The following IL15 variants were observed in gnomAD, a reference collection of about 807,000 sequenced individuals.
IL15 encodes the protein interleukin-15.
In IL15, 11 loss-of-function variants were observed where a neutral mutation model predicts 19.6. The ratio of observed to expected loss-of-function variants is 0.56; its 90% CI spans 0.35 to 0.93. The LOEUF (loss-of-function observed/expected upper bound fraction) is 0.93, where lower values mean the gene tolerates loss of function less well. Among genes scored for constraint, IL15 ranks in the 40% least tolerant of loss-of-function variants. The pLI is 0.01. For synonymous variants in IL15, 58 were observed against 59.6 expected (o/e 0.97, Z 0.12); for missense variants, 197 against 186.5 (o/e 1.06, Z -0.33).
intron 2 of IL15, among the ~76,000 whole-genome samples, chr4:141,683,826 G>A (rs1049100193): frequency 6.6e-6 from 1 of 152,190 alleles, no homozygotes; most frequent in Non-Finnish European, 1.5e-5. Context: ...CAGTACAGAT[G>A]TTCTGGGGAA....
chr4:141,701,546 T>G (rs990603472), intron 2 of IL15, among the ~76,000 whole-genome samples: 1 of 152,204 alleles, frequency 6.6e-6, no homozygotes, highest in Non-Finnish European at 1.5e-5. Flanking sequence ...ATGTATACTT[T>G]ATTTATTTAA....
At chr4:141,706,253 T>C (rs552116383) in intron 2 of IL15, among the ~76,000 whole-genome samples, 7 of 152,070 alleles carry the variant, frequency 4.6e-5, no homozygotes, top group Non-Finnish European at 7.4e-5. Context: ...TTGTGGTTAT[T>C]ATAAGGATAA....
intron 2 of IL15, among the ~76,000 whole-genome samples, chr4:141,668,840 T>C (rs1288551413): frequency 2.6e-5 from 4 of 152,130 alleles, no homozygotes; most frequent in Non-Finnish European, 5.9e-5. Context: ...AGCTAGACAA[T>C]AGGGATTTAC....
chr4:141,655,715 T>C (rs190642368), intron 1 of IL15, among the ~76,000 whole-genome samples: 114 of 152,320 alleles, frequency 7.5e-4, no homozygotes, highest in African/African-American at 2.6e-3. Flanking sequence ...TATTATGATG[T>C]TGTGTTTTAC....
intron 2 of IL15, chr4:141,716,369 T>C (rs1218450944): frequency 2.0e-5 from 3 of 152,264 alleles, no homozygotes; most frequent in Non-Finnish European, 2.9e-5. Flanking sequence ...CCCTACATTT[T>C]GGTGCAGCAG....
Position 141,693,016 on chromosome 4 carries a change from C to CAAAAAAAAA in IL15, c.-99-26332_-99-26324dup, listed in dbSNP as rs70949131. Among the ~76,000 whole-genome samples the CAAAAAAAAA allele has an allele frequency of 2.0e-3, 47 of 23,236 alleles. 9 individuals carry two copies. Among genetic ancestry groups the CAAAAAAAAA allele is most frequent in the East Asian group, 8.7e-3 (6 of 688 alleles). The allele number at this position is 23,236 out of a possible 152,430, so 15.2% of individuals were successfully genotyped here. On this transcript the variant is annotated intron_variant, in intron 2 of 7. Transcript: ENST00000320650. ...AGGGGAACAGAGCAAGACTCCGTCT[C>CAAAAAAAAA]AAAAAAAAAAAAAAAAAAAAAAAAA...
chr4:141,656,682 C>T (rs1295359194), intron 2 of IL15, among the ~76,000 whole-genome samples: 4 of 152,056 alleles, frequency 2.6e-5, no homozygotes, highest in African/African-American at 7.2e-5. Flanking sequence ...GAGGGTTGGC[C>T]TCTGGGTCAT....
At chr4:141,689,794 A>C (rs1340993613) in intron 2 of IL15, among the ~76,000 whole-genome samples, 1 of 152,188 alleles carries the variant, frequency 6.6e-6, no homozygotes, top group Non-Finnish European at 1.5e-5. Context: ...AGCTGGCTTC[A>C]CCCAGTGGAT....
intron 2 of IL15, among the ~76,000 whole-genome samples, 170 bp downstream of exon 2, chr4:141,656,477 A>C (rs986562557): frequency 1.3e-5 from 2 of 152,332 alleles, no homozygotes; most frequent in South Asian, 4.1e-4. Context: ...TGCTTAAAGC[A>C]TATATTTGAA....
intron 5 of IL15, among the ~76,000 whole-genome samples, chr4:141,724,570 G>C (rs1304107499): frequency 1.9e-5 from 1 of 53,984 alleles, no homozygotes; most frequent in Non-Finnish European, 3.1e-5. Flanking sequence ...ATCTTTAATT[G>C]ACAGAAATAA....
intron 1 of IL15, among the ~76,000 whole-genome samples, chr4:141,649,709 C>T (rs1007195904): frequency 6.6e-6 from 1 of 151,956 alleles, no homozygotes; most frequent in African/African-American, 2.4e-5. Flanking sequence ...GTAAAACAAA[C>T]CAGCAACACA....
intron 2 of IL15, among the ~76,000 whole-genome samples, chr4:141,666,078 TTTA>T (rs1377780622): frequency 8.5e-6 from 1 of 117,866 alleles, no homozygotes; most frequent in Admixed American, 9.2e-5. Flanking sequence ...ATCCTTTTTA[TTTA>T]TTATTTATTT....
At chr4:141,686,357 G>A (rs1267270361) in intron 2 of IL15, among the ~76,000 whole-genome samples, 1 of 151,888 alleles carries the variant, frequency 6.6e-6, no homozygotes, top group African/African-American at 2.4e-5. Context: ...GAGGGACACA[G>A]TAAATATTGA....
rs188010333 is a variant in IL15, at chr4:141,666,129, C to A, written c.-100+9822C>A. ...ATTTATTTATTTTTTGAGACGGAGT[C>A]TCGCTCTGTCGCCCAGGCTGGAGTG... On this transcript the variant is annotated intron_variant, in intron 2 of 7. Transcript: ENST00000320650. Among the ~76,000 whole-genome samples, 195 of 68,266 alleles carry A rather than the reference C, an allele frequency of 2.9e-3. 1 individual carries two copies. The highest frequency in any genetic ancestry group is 4.2e-3 in the Non-Finnish European group (145 of 34,814). 44.8% of individuals were successfully genotyped at this position (68,266 alleles called of 152,430 possible). A position where few individuals can be genotyped will look rare whatever the true frequency, so the allele number is the denominator to read the frequency against.
chr4:141,677,506 A>C (rs1419104365), intron 2 of IL15, among the ~76,000 whole-genome samples: 1 of 152,040 alleles, frequency 6.6e-6, no homozygotes, highest in South Asian at 2.1e-4. Context: ...TTACAGGTAG[A>C]TTTTTGTCTT....
At chr4:141,712,536 C>G (rs181555778) in intron 2 of IL15, among the ~76,000 whole-genome samples, 79 of 151,010 alleles carry the variant, frequency 5.2e-4, no homozygotes, top group Non-Finnish European at 1.0e-3. Flanking sequence ...AAATGAATAT[C>G]CCTTGTTTAC....
At chr4:141,666,772 A>G (rs1728001331) in intron 2 of IL15, among the ~76,000 whole-genome samples, 1 of 151,804 alleles carries the variant, frequency 6.6e-6, no homozygotes, top group Admixed American at 6.6e-5. Context: ...AAATTGTCTG[A>G]TTGTAAGTCA....
At chr4:141,652,033 G>A (rs1212755964) in intron 1 of IL15, among the ~76,000 whole-genome samples, 1 of 152,078 alleles carries the variant, frequency 6.6e-6, no homozygotes, top group Non-Finnish European at 1.5e-5. Context: ...AAGGGATGAG[G>A]CATGCCAAGT....
At chr4:141,670,705 A>C (rs1728144779) in intron 2 of IL15, among the ~76,000 whole-genome samples, 1 of 152,214 alleles carries the variant, frequency 6.6e-6, no homozygotes, top group African/African-American at 2.4e-5. Flanking sequence ...TAAACTTTTG[A>C]AATCTATAGA....
Sources: allele counts gnomAD v4.1 joint callset (sites outside exome capture counted in the v4.1 genomes callset), GRCh38; gene constraint gnomAD v4.1.1; transcripts MANE v1.5; gene names NCBI Gene and HGNC (gene_info 2026-07-23, HGNC 2026-07-21).